NET1: variants seen among roughly 807,000 people sequenced by gnomAD.
NET1 encodes neuroepithelial cell transforming 1, also known as neuroepithelial cell-transforming gene 1 protein.
A neutral mutation model predicts 61.1 loss-of-function variants in NET1; 42 were observed. That is an observed-to-expected ratio of 0.69 (90% CI 0.54 to 0.89). NET1 has a LOEUF of 0.89. Among genes scored for constraint, NET1 ranks in the 40% least tolerant of loss-of-function variants. NET1 has a pLI of 0.00. For synonymous variants in NET1, 254 were observed against 281.8 expected (o/e 0.90, Z 0.99); for missense variants, 654 against 747.3 (o/e 0.88, Z 1.46).
Position 5,454,499 on chromosome 10 carries a change from G to A in NET1, c.1003G>A (p.Asp335Asn), listed in dbSNP as rs2119215901. Residue 335 changes from aspartate (D) to asparagine (N), a missense_variant, in exon 9 of 12, where the codon GAT (aspartate) becomes AAT (asparagine). Asp to Asn is a conservative substitution (Grantham distance 23). Transcript: ENST00000355029. This position sits in a 1 kb window ranked among gnomAD's most constrained non-coding sequence, Gnocchi z 8.1. ...ILKHTPKEHP[D>N]VQLLEDAILI... ...TAAACACACTCCAAAAGAGCACCCTGATGTTCAGCTTCTGGAGGATGCTGT... is the reference window on the plus strand; with the variant it reads ...TAAACACACTCCAAAAGAGCACCCTAATGTTCAGCTTCTGGAGGATGCTGT... The A allele has an allele frequency of 1.2e-6, 2 of 1,613,916 alleles. No individual in the cohort carries two copies. Among genetic ancestry groups the A allele is most frequent in the Non-Finnish European group, 1.7e-6 (2 of 1,179,970 alleles).
chr10:5,430,605 C>T (rs1278407947), intron 3 of NET1, among the ~76,000 whole-genome samples: 1 of 152,026 alleles, frequency 6.6e-6, no homozygotes, highest in African/African-American at 2.4e-5. Flanking sequence ...GAATTCCAGA[C>T]TCGGCCCCAC....
rs992781832 is a variant in NET1 at position 5,417,652 on chromosome 10, G to A, written c.128+4832G>A. Among the ~76,000 whole-genome samples the A allele has an allele frequency of 6.6e-6, 1 of 152,034 alleles. No homozygotes were observed. Among genetic ancestry groups the A allele is most frequent in the Non-Finnish European group, 1.5e-5 (1 of 68,016 alleles). ...GTTTTACTTCTTTTTCCAATCTCTG[G>A]ATGCCCTTTACTTTTTTCTCTTTCC... On this transcript the variant is annotated intron_variant, in intron 1 of 11. Coordinates refer to ENST00000355029, the MANE Select transcript of NET1 (RefSeq NM_001047160.3). The surrounding 1 kb of genome is among the most constrained non-coding windows in gnomAD (Gnocchi z 5.5).
Position 5,456,574 on chromosome 10 carries a change from AT to A in NET1, c.1385-4del, listed in dbSNP as rs748904639. 2.4e-4 allele frequency: 327 copies of A among 1,371,282 alleles called. No homozygotes were observed. Among genetic ancestry groups the A allele is most frequent in the Admixed American group, 9.2e-4 (37 of 40,194 alleles). The allele number at this position is 1,371,282 out of a possible 1,614,324, so 84.9% of individuals were successfully genotyped here. ...TAGCCTGATTTCTTTTTTTTTTCCA[AT>A]TTTTTTTTTCAGCTAAAAATATCTT... On this transcript the variant is annotated splice_polypyrimidine_tract_variant and intron_variant, in intron 11 of 11. Coordinates refer to ENST00000355029, the MANE Select transcript of NET1 (RefSeq NM_001047160.3). This position sits in a 1 kb window ranked among gnomAD's most constrained non-coding sequence, Gnocchi z 7.0.
At chr10:5,450,836 A>G (rs576003090) in intron 3 of NET1, among the ~76,000 whole-genome samples, 1 of 152,332 alleles carries the variant, frequency 6.6e-6, no homozygotes, top group South Asian at 2.1e-4. Flanking sequence ...AGAATAATGC[A>G]ATTTTTGTAA....
In NET1 at chr10:5,420,348, T is replaced by C. The variant is rs1832151431; in HGVS notation, c.129-6307T>C. 6.6e-6 allele frequency among the ~76,000 whole-genome samples: 1 copy of C among 152,058 alleles called. No homozygotes were observed. Among genetic ancestry groups the C allele is most frequent in the Non-Finnish European group, 1.5e-5 (1 of 67,968 alleles). On this transcript the variant is annotated intron_variant, in intron 1 of 11. Coordinates refer to ENST00000355029, the MANE Select transcript of NET1 (RefSeq NM_001047160.3). The surrounding 1 kb of genome is among the most constrained non-coding windows in gnomAD (Gnocchi z 5.3). ...GGAAGCTAAATACATTATGATATTCTGTACAGTGAGATATTATAATATACA... is the reference window on the plus strand; with the variant it reads ...GGAAGCTAAATACATTATGATATTCCGTACAGTGAGATATTATAATATACA...
In NET1 at chr10:5,456,718, G is replaced by T. The variant is rs139773413; in HGVS notation, c.1515G>T (p.Ser505=). Residue 505 remains serine (S), a synonymous_variant, in exon 12 of 12, where the codon TCG becomes TCT. Coordinates refer to ENST00000355029, the MANE Select transcript of NET1 (RefSeq NM_001047160.3). The surrounding 1 kb of genome is among the most constrained non-coding windows in gnomAD (Gnocchi z 7.0). ...GAGCGGCCATTGCCCCCTTCCAGTC[G>T]GCAGGCAGTCCACCTGAGCTGCAGG... is the stretch of plus-strand genomic sequence containing the variant. ...CIRAAIAPFQ[S]AGSPPELQGL... The T allele has an allele frequency of 7.4e-6, 12 of 1,614,100 alleles. No homozygotes were observed. The highest frequency in any genetic ancestry group is 9.3e-6 in the Non-Finnish European group (11 of 1,180,020).
rs1332813176 is a variant in NET1 at position 5,437,974 on chromosome 10, G to T, written c.255+8745G>T. On this transcript the variant is annotated intron_variant, in intron 3 of 11. Coordinates refer to ENST00000355029, the MANE Select transcript of NET1 (RefSeq NM_001047160.3). This position sits in a 1 kb window ranked among gnomAD's most constrained non-coding sequence, Gnocchi z 4.3. ...AAATCTAAAAAATTTATAAGTATGT[G>T]GAAATTAAACAACACATTATTAAAC... Among the ~76,000 whole-genome samples the T allele has an allele frequency of 1.3e-5, 2 of 151,858 alleles. No individual in the cohort carries two copies. Among genetic ancestry groups the T allele is most frequent in the Non-Finnish European group, 2.9e-5 (2 of 67,974 alleles).
chr10:5,417,590 T>C lies in NET1; in HGVS notation c.128+4770T>C, dbSNP rs150805969. Among the ~76,000 whole-genome samples the C allele has an allele frequency of 6.6e-6, 1 of 152,366 alleles. No individual in the cohort carries two copies. Among genetic ancestry groups the C allele is most frequent in the African/African-American group, 2.4e-5 (1 of 41,598 alleles). On this transcript the variant is annotated intron_variant, in intron 1 of 11. Coordinates refer to ENST00000355029, the MANE Select transcript of NET1 (RefSeq NM_001047160.3). The surrounding 1 kb of genome is among the most constrained non-coding windows in gnomAD (Gnocchi z 5.5). Reference sequence around the variant, plus strand: ...TTTTTTAGTGGTTTCTTTAGGACTTTCTGTGTACAGGGTCATGTCATCAGC... The same window carrying C: ...TTTTTTAGTGGTTTCTTTAGGACTTCCTGTGTACAGGGTCATGTCATCAGC...
Position 5,453,011 on chromosome 10 carries a change from G to A in NET1, c.594+91G>A. 2.1e-6 allele frequency: 2 copies of A among 951,806 alleles called. No homozygotes were observed. Among genetic ancestry groups the A allele is most frequent in the Non-Finnish European group, 3.3e-6 (2 of 598,296 alleles). The allele number at this position is 951,806 out of a possible 1,614,324, so 59.0% of individuals were successfully genotyped here. A position where few individuals can be genotyped will look rare whatever the true frequency, so the allele number is the denominator to read the frequency against. On this transcript the variant is annotated intron_variant, in intron 6 of 11. Coordinates refer to ENST00000355029, the MANE Select transcript of NET1 (RefSeq NM_001047160.3). The surrounding 1 kb of genome is among the most constrained non-coding windows in gnomAD (Gnocchi z 4.9). ...ATAGTTTTCTTAACCTTTAGAAGTA[G>A]AAGAATAGAAAATATCTACTGGTGA... is the stretch of plus-strand genomic sequence containing the variant.
At position 5,456,739 on chromosome 10, in the gene NET1, G is replaced by T. The variant is rs1353576364; in HGVS notation, c.1536G>T (p.Leu512=). 2 of 1,614,140 alleles carry T rather than the reference G, an allele frequency of 1.2e-6. No individual in the cohort carries two copies. Among genetic ancestry groups the T allele is most frequent in the Non-Finnish European group, 1.7e-6 (2 of 1,180,010 alleles). ...PFQSAGSPPE[L]QGLPELHEEC... is the part of the protein sequence containing the mutation. ...AGTCGGCAGGCAGTCCACCTGAGCTGCAGGGCCTGCCGGAGCTGCACGAAG... is the reference window on the plus strand; with the variant it reads ...AGTCGGCAGGCAGTCCACCTGAGCTTCAGGGCCTGCCGGAGCTGCACGAAG... The change falls in exon 12 of 12, where the codon CTG becomes CTT. Residue 512 remains leucine (L), a synonymous_variant. Coordinates refer to ENST00000355029, the MANE Select transcript of NET1 (RefSeq NM_001047160.3). This position sits in a 1 kb window ranked among gnomAD's most constrained non-coding sequence, Gnocchi z 7.0.
In NET1 at chr10:5,456,975, G is replaced by C; in HGVS notation, c.1772G>C (p.Arg591Pro). ...ARDKALSGGK[R>P]KETLV ...GACAAAGCCCTTTCTGGTGGCAAACGGAAAGAGACTTTGGTGTAGAGAAGG... is the reference window on the plus strand; with the variant it reads ...GACAAAGCCCTTTCTGGTGGCAAACCGAAAGAGACTTTGGTGTAGAGAAGG... Residue 591 changes from arginine (R) to proline (P), a missense_variant, in exon 12 of 12, where the codon CGG (arginine) becomes CCG (proline). Transcript: ENST00000355029. The surrounding 1 kb of genome is among the most constrained non-coding windows in gnomAD (Gnocchi z 7.0). The C allele has an allele frequency of 6.4e-7, 1 of 1,564,346 alleles. No individual in the cohort carries two copies.
chr10:5,438,463 A>G (rs1321168479), intron 3 of NET1, among the ~76,000 whole-genome samples: 2 of 152,178 alleles, frequency 1.3e-5, no homozygotes, highest in Non-Finnish European at 2.9e-5. Context: ...TACTGTGAAT[A>G]ATTGTATGCC....
At chr10:5,450,455 A>G (rs988910095) in intron 3 of NET1, among the ~76,000 whole-genome samples, 1 of 151,998 alleles carries the variant, frequency 6.6e-6, no homozygotes, top group African/African-American at 2.4e-5. Context: ...TTTTACCCAA[A>G]CCAAAAATGG....
chr10:5,441,608 A>C lies in NET1; in HGVS notation c.256-10222A>C, dbSNP rs552033634. On this transcript the variant is annotated intron_variant, in intron 3 of 11. Transcript: ENST00000355029. This position sits in a 1 kb window ranked among gnomAD's most constrained non-coding sequence, Gnocchi z 4.6. ...GATTGGCTATTTGTGTTGTCATCGC[A>C]CAAAAGAACCATTGTTTTGACAATA... is the stretch of plus-strand genomic sequence containing the variant. Among the ~76,000 whole-genome samples the C allele has an allele frequency of 5.4e-4, 83 of 152,356 alleles. No homozygotes were observed. The highest frequency in any genetic ancestry group is 3.4e-3 in the Middle Eastern group (1 of 294).
rs773538172 is a variant in NET1, at chr10:5,454,897, A to G, written c.1027-51A>G. Reference sequence around the variant, plus strand: ...GACATTTTTGCTCTGCAGGAAGCAGAATGAGTTAATAAACTGAAGCTGCTC... The same window carrying G: ...GACATTTTTGCTCTGCAGGAAGCAGGATGAGTTAATAAACTGAAGCTGCTC... On this transcript the variant is annotated intron_variant, in intron 9 of 11. Coordinates refer to ENST00000355029, the MANE Select transcript of NET1 (RefSeq NM_001047160.3). This position sits in a 1 kb window ranked among gnomAD's most constrained non-coding sequence, Gnocchi z 8.1. 7.7e-6 allele frequency: 12 copies of G among 1,564,440 alleles called. No homozygotes were observed. The highest frequency in any genetic ancestry group is 1.1e-5 in the Non-Finnish European group (12 of 1,138,700).
Position 5,451,967 on chromosome 10 carries a change from T to C in NET1, c.363+30T>C. On this transcript the variant is annotated intron_variant, in intron 4 of 11. Transcript: ENST00000355029. The surrounding 1 kb of genome is among the most constrained non-coding windows in gnomAD (Gnocchi z 6.1). ...AAAGAGAGGAGGAAGAGTAATGTAG[T>C]CAGCGGACTTTATAGAAGCCTGGAA... 6.5e-7 allele frequency: 1 copy of C among 1,532,924 alleles called. No individual in the cohort carries two copies. The allele number at this position is 1,532,924 out of a possible 1,614,324, so 95.0% of individuals were successfully genotyped here. A position where few individuals can be genotyped will look rare whatever the true frequency, so the allele number is the denominator to read the frequency against.
chr10:5,421,672 C>T lies in NET1; in HGVS notation c.129-4983C>T, dbSNP rs1444759994. Among the ~76,000 whole-genome samples, 1 of 152,196 alleles carries T rather than the reference C, an allele frequency of 6.6e-6. No homozygotes were observed. Among genetic ancestry groups the T allele is most frequent in the Non-Finnish European group, 1.5e-5 (1 of 68,034 alleles). Reference sequence around the variant, plus strand: ...TTGAGATATGATTTGTATATCATAACATTCACCCTTTGTAGGTGAACAATT... The same window carrying T: ...TTGAGATATGATTTGTATATCATAATATTCACCCTTTGTAGGTGAACAATT... On this transcript the variant is annotated intron_variant, in intron 1 of 11. Transcript: ENST00000355029. This position sits in a 1 kb window ranked among gnomAD's most constrained non-coding sequence, Gnocchi z 4.2.
intron 3 of NET1, among the ~76,000 whole-genome samples, chr10:5,432,639 T>C (rs1405393917): frequency 2.6e-5 from 4 of 152,168 alleles, no homozygotes; most frequent in Admixed American, 1.3e-4. Context: ...TTATGTAGAA[T>C]TTTGAAGTCA....
rs1196371511 is a variant in NET1, at chr10:5,443,036, T to C, written c.256-8794T>C. On this transcript the variant is annotated intron_variant, in intron 3 of 11. Transcript: ENST00000355029. This position sits in a 1 kb window ranked among gnomAD's most constrained non-coding sequence, Gnocchi z 4.8. ...ATGGTTTCCTCCTCTATAAAAGTAT[T>C]GGCAATTTAGTGAATACTGCTAGCC... 1.3e-5 allele frequency among the ~76,000 whole-genome samples: 2 copies of C among 152,220 alleles called. No individual in the cohort carries two copies. The highest frequency in any genetic ancestry group is 2.1e-4 in the South Asian group (1 of 4,828).
Sources: gnomAD v4.1 joint callset for allele counts (sites outside exome capture counted in the v4.1 genomes callset) on GRCh38, gnomAD v4.1.1 for gene constraint, Gnocchi (gnomAD v3.1) non-coding constraint, MANE v1.5 for transcripts, NCBI Gene and HGNC (gene_info 2026-07-23, HGNC 2026-07-21) for gene names.